The following NRXN1 variants were observed in gnomAD, a reference collection of about 807,000 sequenced individuals.
The protein encoded by NRXN1 is neurexin 1.
In NRXN1, 39 loss-of-function variants were observed where a neutral mutation model predicts 150.9. The ratio of observed to expected loss-of-function variants is 0.26; its 90% confidence interval spans 0.20 to 0.34. The LOEUF is 0.34. Among genes scored for constraint, NRXN1 ranks in the 10% least tolerant of loss-of-function variants. The pLI is 1.00. For synonymous variants in NRXN1, 924 were observed against 757.0 expected (o/e 1.22, Z -3.62); for missense variants, 1,815 against 1,949.9 (o/e 0.93, Z 1.30).
At chr2:50,145,534 C>T (rs1380068984) in intron 18 of NRXN1, among the ~76,000 whole-genome samples, 1 of 151,648 alleles carries the variant, frequency 6.6e-6, no homozygotes, top group East Asian at 1.9e-4. Flanking sequence ...CGCTATCTCC[C>T]CCTCCAGAAC....
intron 2 of NRXN1, among the ~76,000 whole-genome samples, chr2:50,931,814 T>C (rs956309825): frequency 6.6e-6 from 1 of 152,070 alleles, no homozygotes; most frequent in Non-Finnish European, 1.5e-5. Flanking sequence ...CTAAATAAAT[T>C]AGATCATACA....
intron 8 of NRXN1, among the ~76,000 whole-genome samples, chr2:50,593,148 A>AT: frequency 6.6e-6 from 1 of 152,290 alleles, no homozygotes; most frequent in East Asian, 1.9e-4. Context: ...ATCGTGTGTT[A>AT]TTTTTTGTGA....
chr2:49,950,231 T>C (rs574448049), intron 21 of NRXN1, among the ~76,000 whole-genome samples: 2 of 152,072 alleles, frequency 1.3e-5, no homozygotes, highest in East Asian at 3.9e-4. Flanking sequence ...AAATTGGCAA[T>C]TTCAGTTAAT....
chr2:50,155,317 A>C (rs1262157393), intron 18 of NRXN1, among the ~76,000 whole-genome samples: 2 of 151,566 alleles, frequency 1.3e-5, no homozygotes, highest in Non-Finnish European at 3.0e-5. Flanking sequence ...GTAATGACCA[A>C]TAAGGAACTA....
chr2:49,973,628 CACACACACACAG>C (rs1678366276), intron 21 of NRXN1: 2 of 310,134 alleles, frequency 6.4e-6, no homozygotes, highest in Non-Finnish European at 1.2e-5. Context: ...CACACACACA[CACACACACACAG>C]ACACAAGTTT....
chr2:50,031,244 A>G (rs1249722277), intron 21 of NRXN1, among the ~76,000 whole-genome samples: 2 of 152,048 alleles, frequency 1.3e-5, no homozygotes, highest in African/African-American at 4.8e-5. Context: ...GCTTGGAAGG[A>G]ATCTTTTGCT....
intron 17 of NRXN1, among the ~76,000 whole-genome samples, chr2:50,375,177 C>T (rs904621028): frequency 6.6e-6 from 1 of 151,952 alleles, no homozygotes; most frequent in Non-Finnish European, 1.5e-5. Flanking sequence ...TTTAACATTG[C>T]TTTTAAGAGG....
In NRXN1 at chr2:50,620,100, G is replaced by C; in HGVS notation, c.1242C>G (p.Phe414Leu). ...CTGTGCTGGGACTGCCTCCAACATAGAAAAAGTCATCAGACCCCAGCATGG... is the reference window on the plus strand; with the variant it reads ...CTGTGCTGGGACTGCCTCCAACATACAAAAAGTCATCAGACCCCAGCATGG... ...DYTMLGSDDF[F>L]YVGGSPSTAD... The change falls in exon 8 of 23, where the codon TTC (phenylalanine) becomes TTG (leucine). Residue 414 changes from phenylalanine to leucine, a missense_variant. Transcript: ENST00000401669. 1 of 1,613,348 alleles carries C rather than the reference G, an allele frequency of 6.2e-7. No homozygotes were observed. Among genetic ancestry groups the C allele is most frequent in the Non-Finnish European group, 8.5e-7 (1 of 1,179,638 alleles).
chr2:50,425,571 A>G (rs1217208152), intron 17 of NRXN1, among the ~76,000 whole-genome samples: 1 of 152,230 alleles, frequency 6.6e-6, no homozygotes, highest in Non-Finnish European at 1.5e-5. Flanking sequence ...ACATGAGCCC[A>G]TAATTATGTA....
intron 5 of NRXN1, chr2:50,917,986 G>A (rs1685458810): frequency 6.6e-6 from 1 of 151,460 alleles, no homozygotes; most frequent in African/African-American, 2.4e-5. Context: ...TAAAGCACAT[G>A]GTAATATTAG....
Position 50,346,638 on chromosome 2 carries a change from A to C in NRXN1, c.3365-109668T>G. ...AGGAGCCCAGGAGCGAGTGCAGGGT[A>C]GAAAGAGGGGAGCGAGGGGATAACC... On this transcript the variant is annotated intron_variant, in intron 17 of 22. Coordinates refer to ENST00000401669, the MANE Select transcript of NRXN1 (RefSeq NM_001330078.2). This position sits in a 1 kb window ranked among gnomAD's most constrained non-coding sequence, Gnocchi z 5.0. 1 of 1,576,910 alleles carries C rather than the reference A, an allele frequency of 6.3e-7. No individual in the cohort carries two copies. Among genetic ancestry groups the C allele is most frequent in the Non-Finnish European group, 8.7e-7 (1 of 1,147,852 alleles).
At chr2:50,126,367 C>T (rs1328340533) in intron 18 of NRXN1, among the ~76,000 whole-genome samples, 1 of 151,782 alleles carries the variant, frequency 6.6e-6, no homozygotes, top group African/African-American at 2.4e-5. Context: ...GTCGTGGGTA[C>T]AGGTAAAATT....
Position 50,623,426 on chromosome 2 carries a change from G to A in NRXN1, c.1022C>T (p.Ser341Phe). 1 of 1,613,422 alleles carries A rather than the reference G, an allele frequency of 6.2e-7. No homozygotes were observed. The highest frequency in any genetic ancestry group is 8.5e-7 in the Non-Finnish European group (1 of 1,179,536). ...VNLALKNGAVSLVINLGSGAF... is the reference protein window; with the variant it reads ...VNLALKNGAVFLVINLGSGAF... ...CCCTGATCCCAAATTAATGACCAGA[G>A]AGACAGCTCCATTTTTCAGGGCAAG... Residue 341 changes from serine (S) to phenylalanine (F), a missense_variant, in exon 6 of 23, where the codon TCT (serine) becomes TTT (phenylalanine). Around this residue, in one of 6 missense-constraint regions of NRXN1, gnomAD observed 554 missense variants for 478.8 expected, o/e 1.16. Transcript: ENST00000401669.
chr2:50,595,236 G>A (rs1015224209), intron 8 of NRXN1, among the ~76,000 whole-genome samples: 7 of 152,088 alleles, frequency 4.6e-5, no homozygotes, highest in African/African-American at 1.7e-4. Context: ...CTTAGGCTGT[G>A]ACCTGATTTG....
chr2:50,879,130 A>G (rs1559384829), intron 5 of NRXN1, among the ~76,000 whole-genome samples: 1 of 151,876 alleles, frequency 6.6e-6, no homozygotes, highest in Non-Finnish European at 1.5e-5. Context: ...TTATCCAATC[A>G]GTTGAAAACC....
intron 17 of NRXN1, among the ~76,000 whole-genome samples, chr2:50,390,488 A>G (rs146394152): frequency 0.011 from 1,652 of 152,256 alleles, 23 homozygotes; most frequent in African/African-American, 0.037. Flanking sequence ...TAAAATATCA[A>G]TGCTGTGTAA....
At chr2:50,755,241 C>A (rs1232023697) in intron 5 of NRXN1, among the ~76,000 whole-genome samples, 2 of 151,776 alleles carry the variant, frequency 1.3e-5, no homozygotes, top group African/African-American at 4.8e-5. Context: ...GAAATCTCAA[C>A]CCCACCGCTT....
At chr2:50,769,540 C>G (rs769497165) in intron 5 of NRXN1, among the ~76,000 whole-genome samples, 2 of 151,938 alleles carry the variant, frequency 1.3e-5, no homozygotes, top group Non-Finnish European at 2.9e-5. Context: ...TATTTGTTTT[C>G]CCAAGGTTTC....
At chr2:50,163,933 A>C (rs2152791057) in intron 18 of NRXN1, among the ~76,000 whole-genome samples, 1 of 152,312 alleles carries the variant, frequency 6.6e-6, no homozygotes, top group Non-Finnish European at 1.5e-5. Context: ...CAGAGCTTGA[A>C]GGAGAAATCA....
Sources: allele counts gnomAD v4.1 joint callset (sites outside exome capture counted in the v4.1 genomes callset), GRCh38; gene constraint gnomAD v4.1.1; regional missense constraint gnomAD v4.1.1; non-coding constraint Gnocchi (gnomAD v3.1); transcripts MANE v1.5; gene names NCBI Gene and HGNC (gene_info 2026-07-23, HGNC 2026-07-21).